Variants in CYLC2 observed in about 807,000 individuals in gnomAD.
The protein encoded by CYLC2 is cylicin-2.
CYLC2 carries 30 observed loss-of-function variants against 26.1 expected under a neutral mutation model. The ratio of observed to expected loss-of-function variants is 1.15; its 90% CI spans 0.86 to 1.56. CYLC2 has a LOEUF of 1.56. Among genes scored for constraint, CYLC2 ranks in the 40% most tolerant of loss-of-function variants. CYLC2 has a pLI of 0.00. For missense variants in CYLC2, 498 were observed against 394.4 expected, an observed-to-expected ratio of 1.26 and a Z score of -2.23; for synonymous variants, 158 against 132.8, an observed-to-expected ratio of 1.19 and a Z score of -1.31.
chr9:103,005,555 T>A lies in CYLC2; in HGVS notation c.924T>A (p.Thr308=), dbSNP rs145773594. ...CCAAGAAAGTTGCCAAGAAAGATAC[T>A]GAGAAAGAATCTGCTGATTCAAAGA... The part of the protein sequence containing the change: ...KDAKKVAKKD[T]EKESADSKKD... The change falls in exon 5 of 8, where the codon ACT becomes ACA. Residue 308 remains threonine (T), a synonymous_variant. Coordinates refer to ENST00000374798, the MANE Select transcript of CYLC2 (RefSeq NM_001340.5). 9.3e-6 allele frequency: 15 copies of A among 1,608,764 alleles called. No homozygotes were observed. In the Admixed American group the frequency reaches 2.2e-4, roughly 24 times the overall value.
At chr9:102,997,367 C>A (rs943890390) in intron 1 of CYLC2, among the ~76,000 whole-genome samples, 1 of 151,846 alleles carries the variant, frequency 6.6e-6, no homozygotes, top group Non-Finnish European at 1.5e-5. Flanking sequence ...AAAATATTCT[C>A]TGGGTGAGGA....
At position 102,995,389 on chromosome 9, in the gene CYLC2, C is replaced by G. The variant is rs139061344; in HGVS notation, c.9C>G (p.Leu3=). Residue 3 remains leucine (L), a synonymous_variant, in exon 1 of 8, where the codon CTC becomes CTG. Coordinates refer to ENST00000374798, the MANE Select transcript of CYLC2 (RefSeq NM_001340.5). MS[L]PRFQRVNFGP... is the part of the protein sequence containing the mutation. ...AGTCATAAGTGGGGAAAATGTCTCT[C>G]CCAAGATTGTAAGTCAAATTTTATG... is the stretch of plus-strand genomic sequence containing the variant. The G allele has an allele frequency of 3.0e-5, 48 of 1,604,540 alleles. No homozygotes were observed. The highest frequency in any genetic ancestry group is 3.8e-5 in the Non-Finnish European group (44 of 1,172,232).
intron 6 of CYLC2, among the ~76,000 whole-genome samples, chr9:103,013,587 A>C (rs1371684049): frequency 8.9e-6 from 1 of 112,350 alleles, no homozygotes; most frequent in Non-Finnish European, 1.6e-5. Context: ...TATTTACAAT[A>C]TATAAATATA....
At chr9:102,996,795 A>C (rs1375159959) in intron 1 of CYLC2, among the ~76,000 whole-genome samples, 1 of 151,822 alleles carries the variant, frequency 6.6e-6, no homozygotes. Context: ...TTCCTTTCCC[A>C]CTTATTCCTT....
At chr9:103,009,831 C>T (rs184352546) in intron 5 of CYLC2, among the ~76,000 whole-genome samples, 6 of 151,870 alleles carry the variant, frequency 4.0e-5, no homozygotes, top group African/African-American at 1.4e-4. Flanking sequence ...ACATCTTTGC[C>T]AACACTTTTA....
At chr9:103,014,442 TAATATACATA>T (rs1829465192) in intron 6 of CYLC2, among the ~76,000 whole-genome samples, 1 of 97,400 alleles carries the variant, frequency 1.0e-5, no homozygotes, top group Non-Finnish European at 2.2e-5. Context: ...GTATATTACA[TAATATACATA>T]ATGTATATTA....
At position 103,005,112 on chromosome 9, in the gene CYLC2, A is replaced by G. The variant is rs1160576359; in HGVS notation, c.481A>G (p.Ser161Gly). The G allele has an allele frequency of 1.9e-6, 3 of 1,607,600 alleles. No individual in the cohort carries two copies. Among genetic ancestry groups the G allele is most frequent in the East Asian group, 4.5e-5 (2 of 44,770 alleles). ...AGAAAAGCTAGATGCAAAGAAAGAT[A>G]GCAAAAAAGGTAAAAAGGATGCAGA... ...KEEKLDAKKD[S>G]KKGKKDAEKG... Residue 161 changes from serine (S) to glycine (G), a missense_variant, in exon 5 of 8, where the codon AGC becomes GGC. Coordinates refer to ENST00000374798, the MANE Select transcript of CYLC2 (RefSeq NM_001340.5).
chr9:103,006,073 G>T lies in CYLC2; in HGVS notation c.*395G>T. The T allele has an allele frequency of 1.1e-5, 1 of 88,168 alleles. No homozygotes were observed. The highest frequency in any genetic ancestry group is 2.5e-5 in the Non-Finnish European group (1 of 40,506). 5.5% of individuals were successfully genotyped at this position (88,168 alleles called of 1,614,324 possible). A position where few individuals can be genotyped will look rare whatever the true frequency, so the allele number is the denominator to read the frequency against. ...ACACACACACACACACACACACACAGTTTAATGAAGGCTTAAAGAATCCAA... is the reference window on the plus strand; with the variant it reads ...ACACACACACACACACACACACACATTTTAATGAAGGCTTAAAGAATCCAA... On this transcript the variant is annotated 3_prime_UTR_variant, in exon 5 of 8. Transcript: ENST00000374798.
chr9:103,011,285 C>A (rs1364912203), intron 5 of CYLC2, among the ~76,000 whole-genome samples: 1 of 151,986 alleles, frequency 6.6e-6, no homozygotes, highest in African/African-American at 2.4e-5. Flanking sequence ...AGATTTTTTA[C>A]CCCCCTTCAT....
At chr9:102,999,850 G>T (rs1266638816) in intron 1 of CYLC2, among the ~76,000 whole-genome samples, 1 of 151,714 alleles carries the variant, frequency 6.6e-6, no homozygotes, top group African/African-American at 2.4e-5. Flanking sequence ...TTATATGTTT[G>T]TCAGTATGAT....
In CYLC2 at chr9:103,015,420, A is replaced by G. The variant is rs1829491961; in HGVS notation, c.*817-1468A>G. Among the ~76,000 whole-genome samples the G allele has an allele frequency of 3.7e-5, 5 of 135,954 alleles. No individual in the cohort carries two copies. The South Asian group carries it at 1.1e-3, about 29-fold the overall frequency. 89.2% of individuals were successfully genotyped at this position (135,954 alleles called of 152,430 possible). ...ATATGCTTATTATATATTATATATT[A>G]TAATTATATACTTATATATCATTAA... On this transcript the variant is annotated intron_variant, in intron 6 of 7. Transcript: ENST00000374798.
chr9:103,013,046 A>C (rs1187495620), intron 6 of CYLC2, among the ~76,000 whole-genome samples: 1 of 147,228 alleles, frequency 6.8e-6, no homozygotes. Flanking sequence ...AGAACCAAAA[A>C]TGCACTTAAA....
At chr9:103,010,496 G>A (rs2118253859) in intron 5 of CYLC2, among the ~76,000 whole-genome samples, 1 of 152,118 alleles carries the variant, frequency 6.6e-6, no homozygotes. Context: ...AATTTGCACA[G>A]AGAGTGCAAA....
At chr9:103,009,809 CA>C (rs775632609) in intron 5 of CYLC2, among the ~76,000 whole-genome samples, 4 of 151,938 alleles carry the variant, frequency 2.6e-5, no homozygotes, top group Non-Finnish European at 4.4e-5. Flanking sequence ...AGAGAACATG[CA>C]ATGTTTCTCC....
chr9:103,003,457 A>T (rs1829309165), intron 3 of CYLC2, among the ~76,000 whole-genome samples, 194 bp downstream of exon 3: 1 of 152,162 alleles, frequency 6.6e-6, no homozygotes, highest in Non-Finnish European at 1.5e-5. Context: ...TTATCTCCGT[A>T]GTCCAATGAG....
At chr9:103,004,340 T>A (rs1401795741) in intron 3 of CYLC2, among the ~76,000 whole-genome samples, 1 of 152,052 alleles carries the variant, frequency 6.6e-6, no homozygotes, top group African/African-American at 2.4e-5. Flanking sequence ...CTGATTTACC[T>A]AGAAATAGAA....
At chr9:103,015,290 T>C (rs1829487678) in intron 6 of CYLC2, among the ~76,000 whole-genome samples, 1 of 123,082 alleles carries the variant, frequency 8.1e-6, no homozygotes, top group African/African-American at 3.1e-5. Context: ...TTATATAATA[T>C]AATTATATGT....
At chr9:102,999,053 T>C (rs991693316) in intron 1 of CYLC2, among the ~76,000 whole-genome samples, 1 of 151,896 alleles carries the variant, frequency 6.6e-6, no homozygotes, top group African/African-American at 2.4e-5. Flanking sequence ...TTTGAGGTTA[T>C]TGTGAATAAA....
At chr9:103,013,171 T>C (rs1475891495) in intron 6 of CYLC2, among the ~76,000 whole-genome samples, 1 of 134,020 alleles carries the variant, frequency 7.5e-6, no homozygotes, top group Non-Finnish European at 1.6e-5. Flanking sequence ...ATTATATAAA[T>C]ATATATTTAA....
Sources: gnomAD v4.1 joint callset for allele counts (sites outside exome capture counted in the v4.1 genomes callset) on GRCh38, gnomAD v4.1.1 for gene constraint, MANE v1.5 for transcripts, NCBI Gene and HGNC (gene_info 2026-07-23, HGNC 2026-07-21) for gene names.